Variants in ME3 observed in about 807,000 individuals in gnomAD.
The protein encoded by ME3 is malic enzyme 3.
Under a neutral mutation model 68.9 loss-of-function variants are expected in ME3, and 48 were observed. The ratio of observed to expected loss-of-function variants is 0.70; its 90% CI spans 0.55 to 0.89. The LOEUF is 0.89. Among genes scored for constraint, ME3 ranks in the 40% least tolerant of loss-of-function variants. The pLI, the probability that ME3 is intolerant of heterozygous loss-of-function variation, is 0.00. For synonymous variants in ME3, 320 were observed against 318.8 expected (o/e 1.00, Z -0.04); for missense variants, 675 against 797.4 (o/e 0.85, Z 1.85).
chr11:86,589,174 C>G (rs1430370645), intron 2 of ME3, among the ~76,000 whole-genome samples: 1 of 152,136 alleles, frequency 6.6e-6, no homozygotes, highest in Non-Finnish European at 1.5e-5. Context: ...CTTGCTGCCA[C>G]CTGCACAGCC....
chr11:86,600,869 A>T (rs958146393), intron 2 of ME3, among the ~76,000 whole-genome samples: 3 of 151,690 alleles, frequency 2.0e-5, no homozygotes, highest in African/African-American at 7.3e-5. Context: ...ACACAACGAA[A>T]TGAAGGCAGA....
intron 13 of ME3, among the ~76,000 whole-genome samples, chr11:86,445,848 A>G (rs1418125127): frequency 6.6e-6 from 1 of 152,126 alleles, no homozygotes; most frequent in African/African-American, 2.4e-5. Flanking sequence ...AGAAAAAAAC[A>G]AGTATGACAC....
At chr11:86,438,623 T>G (rs1300069474), downstream of ME3, among the ~76,000 whole-genome samples, 1 of 152,230 alleles carries the variant, frequency 6.6e-6, no homozygotes, top group Non-Finnish European at 1.5e-5. Flanking sequence ...GAAAGATTTT[T>G]TAATTACTAA....
At chr11:86,601,073 G>T (rs1414152511) in intron 2 of ME3, among the ~76,000 whole-genome samples, 1 of 151,986 alleles carries the variant, frequency 6.6e-6, no homozygotes, top group African/African-American at 2.4e-5. Context: ...ACATTCAAAA[G>T]CTAGCAGAAG....
intron 6 of ME3, chr11:86,489,194 GA>G (rs1279253840): frequency 6.6e-6 from 1 of 152,154 alleles, no homozygotes; most frequent in Non-Finnish European, 1.5e-5. Flanking sequence ...AGGACACAAA[GA>G]TAAGGACCAG....
rs35899335 is a variant in ME3, at chr11:86,504,380, CTTTTTT to C, written c.543+4406_543+4411del. On this transcript the variant is annotated intron_variant, in intron 5 of 14. Coordinates refer to ENST00000543262, the Ensembl canonical transcript of ME3. Reference sequence around the variant, plus strand: ...CATCTGAGACACAACCCTATACATTCTTTTTTTTTTTTTTTTTTTTTTTTTTTGAGA... The same window carrying C: ...CATCTGAGACACAACCCTATACATTCTTTTTTTTTTTTTTTTTTTTTGAGA... Among the ~76,000 whole-genome samples the C allele has an allele frequency of 1.4e-4, 11 of 77,392 alleles. No homozygotes were observed. In the South Asian group the frequency reaches 1.5e-3, roughly 10 times the overall value. The allele number at this position is 77,392 out of a possible 152,430, so 50.8% of individuals were successfully genotyped here.
intron 2 of ME3, among the ~76,000 whole-genome samples, chr11:86,604,309 G>A (rs1267901528): frequency 5.3e-5 from 8 of 151,878 alleles, no homozygotes; most frequent in Non-Finnish European, 8.8e-5. Flanking sequence ...ATTTCCTGTC[G>A]GGTCATGAAC....
chr11:86,528,392 C>T (rs1405385584), intron 4 of ME3, among the ~76,000 whole-genome samples: 1 of 152,156 alleles, frequency 6.6e-6, no homozygotes, highest in African/African-American at 2.4e-5. Flanking sequence ...CTTAGACTCC[C>T]ACACAATAAT....
intron 7 of ME3, among the ~76,000 whole-genome samples, chr11:86,480,357 GA>G (rs1232918206): frequency 3.9e-5 from 6 of 152,202 alleles, no homozygotes; most frequent in Non-Finnish European, 7.3e-5. Flanking sequence ...TCCCTCACGG[GA>G]TAAGTATACC....
intron 2 of ME3, among the ~76,000 whole-genome samples, chr11:86,663,166 C>T (rs998106738): frequency 6.6e-6 from 1 of 152,210 alleles, no homozygotes; most frequent in Non-Finnish European, 1.5e-5. Flanking sequence ...ATATAATAAT[C>T]TCAAGTTGCT....
chr11:86,479,822 C>CTTTCTTTT (rs143860951), intron 7 of ME3, among the ~76,000 whole-genome samples: 8 of 147,354 alleles, frequency 5.4e-5, no homozygotes, highest in East Asian at 2.0e-4. Context: ...TTTTTTCTTT[C>CTTTCTTTT]TTTTTTTTTT....
At chr11:86,649,153 G>T (rs986133503) in intron 2 of ME3, among the ~76,000 whole-genome samples, 3 of 152,152 alleles carry the variant, frequency 2.0e-5, no homozygotes, top group Non-Finnish European at 4.4e-5. Flanking sequence ...ATGCAAGGCT[G>T]GTTCAACATA....
At chr11:86,664,742 C>G (rs1355757426) in intron 2 of ME3, among the ~76,000 whole-genome samples, 2 of 152,200 alleles carry the variant, frequency 1.3e-5, no homozygotes, top group Non-Finnish European at 2.9e-5. Flanking sequence ...TAACTCTGGT[C>G]TATTCCCTAA....
chr11:86,672,044 G>T, intron 1 of ME3, 86 bp from the exon 2 acceptor site: 1 of 1,124,270 alleles, frequency 8.9e-7, no homozygotes, highest in South Asian at 2.3e-5. Flanking sequence ...CCTGATCCGG[G>T]GACGCGCCCT....
chr11:86,528,444 C>G (rs913378809), intron 4 of ME3, among the ~76,000 whole-genome samples: 5 of 152,080 alleles, frequency 3.3e-5, no homozygotes, highest in African/African-American at 1.2e-4. Flanking sequence ...TTAGACAGAT[C>G]AATGAGACAG....
At chr11:86,605,375 G>C (rs1961472472) in intron 2 of ME3, among the ~76,000 whole-genome samples, 1 of 152,152 alleles carries the variant, frequency 6.6e-6, no homozygotes, top group African/African-American at 2.4e-5. Flanking sequence ...TGAGTCATGG[G>C]GACTTTGACT....
intron 2 of ME3, among the ~76,000 whole-genome samples, chr11:86,577,669 A>G (rs180691171): frequency 2.9e-4 from 44 of 152,316 alleles, no homozygotes; most frequent in East Asian, 1.7e-3. Context: ...TTTATATTCT[A>G]TGTTATTAAC....
At chr11:86,592,692 G>A (rs753512600) in intron 2 of ME3, among the ~76,000 whole-genome samples, 4 of 152,136 alleles carry the variant, frequency 2.6e-5, no homozygotes, top group Non-Finnish European at 5.9e-5. Flanking sequence ...CAGCAACAAA[G>A]GAGCATTTTA....
chr11:86,500,794 A>T (rs967797390), intron 5 of ME3, among the ~76,000 whole-genome samples: 1 of 151,968 alleles, frequency 6.6e-6, no homozygotes, highest in African/African-American at 2.4e-5. Context: ...TTTTTCCTGG[A>T]GGGTTCTTCT....
Sources: gnomAD v4.1 joint callset for allele counts (sites outside exome capture counted in the v4.1 genomes callset) on GRCh38, gnomAD v4.1.1 for gene constraint, MANE v1.5 for transcripts, NCBI Gene and HGNC (gene_info 2026-07-23, HGNC 2026-07-21) for gene names.